Variants in THRAP3 observed in about 807,000 individuals in gnomAD.
The protein encoded by THRAP3 is thyroid hormone receptor associated protein 3, also known as thyroid hormone receptor-associated protein 3.
A neutral mutation model predicts 101.0 loss-of-function variants in THRAP3; 16 were observed. The observed-to-expected ratio is 0.16, with a 90% CI of 0.11 to 0.24. The LOEUF (loss-of-function observed/expected upper bound fraction) is 0.24, where lower values mean the gene tolerates loss of function less well. THRAP3 is among the 10% of genes least tolerant of loss of function. The pLI is 1.00. For synonymous variants in THRAP3, 407 were observed against 422.6 expected (o/e 0.96, Z 0.45); for missense variants, 989 against 1,202.7 (o/e 0.82, Z 2.63).
At position 36,304,936 on chromosome 1, in the gene THRAP3, AAAG is replaced by A. The variant is rs569789094; in HGVS notation, c.*922_*924del. On this transcript the variant is annotated 3_prime_UTR_variant, in exon 12 of 12. Transcript: ENST00000354618. ...TTTTATTAATCTTTTTATAAAATGAAAAGAAACTCCTATGATCGATTAAGGAAG... is the reference window on the plus strand; with the variant it reads ...TTTTATTAATCTTTTTATAAAATGAAAAACTCCTATGATCGATTAAGGAAG... 4.3e-4 allele frequency: 90 copies of A among 209,444 alleles called. No individual in the cohort carries two copies. The highest frequency in any genetic ancestry group is 6.3e-4 in the East Asian group (9 of 14,186). 13.0% of individuals were successfully genotyped at this position (209,444 alleles called of 1,614,324 possible).
chr1:36,281,008 C>T (rs192256691), intron 2 of THRAP3, among the ~76,000 whole-genome samples: 4 of 151,374 alleles, frequency 2.6e-5, no homozygotes, highest in African/African-American at 9.7e-5. Context: ...TCGCTGTAAC[C>T]TCTGCCTCCT....
chr1:36,245,940 A>G (rs907484225), intron 1 of THRAP3, among the ~76,000 whole-genome samples: 8 of 152,202 alleles, frequency 5.3e-5, no homozygotes, highest in Admixed American at 5.2e-4. Flanking sequence ...ACCTGAGTGC[A>G]TATCTGTGCT....
At chr1:36,296,123 G>A (rs559801065) in intron 8 of THRAP3, among the ~76,000 whole-genome samples, 2 of 151,852 alleles carry the variant, frequency 1.3e-5, no homozygotes, top group East Asian at 1.9e-4. Flanking sequence ...ACAGGCACAC[G>A]CCACCTTGCT....
intron 1 of THRAP3, among the ~76,000 whole-genome samples, chr1:36,255,998 C>T (rs1645369441): frequency 6.6e-6 from 1 of 151,804 alleles, no homozygotes; most frequent in South Asian, 2.1e-4. Context: ...CACTGTTGTC[C>T]TTTATCTGGA....
intron 1 of THRAP3, among the ~76,000 whole-genome samples, chr1:36,235,638 A>G (rs1243983830): frequency 4.6e-5 from 7 of 152,076 alleles, no homozygotes; most frequent in Non-Finnish European, 1.5e-5. Context: ...GGTTTGGGGA[A>G]ATTCTCAAAC....
At chr1:36,296,859 G>T (rs1262281146) in intron 9 of THRAP3, 89 bp downstream of exon 9, 18 of 1,082,392 alleles carry the variant, frequency 1.7e-5, no homozygotes, top group South Asian at 2.2e-5. Context: ...AATCAGAGGA[G>T]TTTAGGGTTA....
chr1:36,279,622 A>T (rs1645706408), intron 2 of THRAP3, among the ~76,000 whole-genome samples: 1 of 151,984 alleles, frequency 6.6e-6, no homozygotes, highest in South Asian at 2.1e-4. Flanking sequence ...CAGGATTAAA[A>T]CCGTGGGTTC....
chr1:36,261,945 A>T lies in THRAP3; in HGVS notation c.-32+2461A>T, dbSNP rs138285248. ...AGACTAGAAATGGCAAGTATAAATG[A>T]CAAATCTAAAAGTGACTGGACAGTA... On this transcript the variant is annotated intron_variant, in intron 2 of 11. Transcript: ENST00000354618. Among the ~76,000 whole-genome samples the T allele has an allele frequency of 3.9e-3, 599 of 152,298 alleles. 6 individuals carry two copies. Among genetic ancestry groups the T allele is most frequent in the African/African-American group, 0.014 (569 of 41,570 alleles).
rs540297408 is a variant in THRAP3 at position 36,224,450 on chromosome 1, G to C, written c.-190G>C. The C allele has an allele frequency of 2.6e-5, 4 of 153,342 alleles. No homozygotes were observed. Among genetic ancestry groups the C allele is most frequent in the African/African-American group, 9.6e-5 (4 of 41,602 alleles). The allele number at this position is 153,342 out of a possible 1,614,324, so 9.5% of individuals were successfully genotyped here. ...GGGCGCGCTGTGGGGCGGGGGCGAG[G>C]TTCGGGCTGGTTGTTCCGTTGCGAG... On this transcript the variant is annotated 5_prime_UTR_variant, in exon 1 of 12. Coordinates refer to ENST00000354618, the MANE Select transcript of THRAP3 (RefSeq NM_005119.4).
chr1:36,259,338 A>AT, intron 1 of THRAP3, 44 bp from the exon 2 acceptor site: 1 of 398,476 alleles, frequency 2.5e-6, no homozygotes, highest in Non-Finnish European at 4.4e-6. Context: ...CAGAATCTGC[A>AT]TTTGGGTAGC....
At chr1:36,253,868 GTGT>G (rs1457139565) in intron 1 of THRAP3, among the ~76,000 whole-genome samples, 1 of 150,090 alleles carries the variant, frequency 6.7e-6, no homozygotes, top group Non-Finnish European at 1.5e-5. Flanking sequence ...GCCTCCCAAA[GTGT>G]TGGGATTACA....
At chr1:36,213,412 A>G in the THRAP3 span, among the ~76,000 whole-genome samples, 4 of 152,272 alleles carry the variant, frequency 2.6e-5, no homozygotes, top group East Asian at 7.7e-4. Context: ...GTAAAGGCCT[A>G]AAACAGGATG....
chr1:36,230,494 C>G (rs1439968518), intron 1 of THRAP3, among the ~76,000 whole-genome samples: 2 of 151,844 alleles, frequency 1.3e-5, no homozygotes, highest in Non-Finnish European at 2.9e-5. Flanking sequence ...AACTCCTGAC[C>G]TCAGGTGATC....
At chr1:36,258,539 G>A (rs534176556) in intron 1 of THRAP3, among the ~76,000 whole-genome samples, 8 of 152,026 alleles carry the variant, frequency 5.3e-5, no homozygotes, top group African/African-American at 1.4e-4. Flanking sequence ...ACAGTGGCGC[G>A]ATCTCGGCTC....
chr1:36,233,435 G>C (rs1225346521), intron 1 of THRAP3, among the ~76,000 whole-genome samples: 1 of 148,946 alleles, frequency 6.7e-6, no homozygotes, highest in African/African-American at 2.6e-5. Context: ...GAACCTGGGA[G>C]GGGGAGCTTG....
chr1:36,240,471 T>A (rs1396409897), intron 1 of THRAP3, among the ~76,000 whole-genome samples: 2 of 152,202 alleles, frequency 1.3e-5, no homozygotes, highest in Non-Finnish European at 2.9e-5. Context: ...CCCCATTGTT[T>A]AGCTGTGCTT....
chr1:36,267,918 G>A (rs146559298), intron 2 of THRAP3, among the ~76,000 whole-genome samples: 1 of 31,102 alleles, frequency 3.2e-5, no homozygotes, highest in African/African-American at 5.8e-5. Flanking sequence ...GGTGACTCAC[G>A]CCTGTAATCC....
intron 1 of THRAP3, among the ~76,000 whole-genome samples, chr1:36,253,165 AT>A (rs35502013): frequency 0.97 from 146,728 of 151,866 alleles, 71,118 homozygotes; most frequent in Middle Eastern, 1. Flanking sequence ...CTTCACACAG[AT>A]TGGGTACTGC....
At chr1:36,218,339 C>G in the THRAP3 span, among the ~76,000 whole-genome samples, 1 of 139,620 alleles carries the variant, frequency 7.2e-6, no homozygotes, top group Non-Finnish European at 1.5e-5. Flanking sequence ...ACGCAGTGAG[C>G]AGAGATTGCA....
Sources: allele counts gnomAD v4.1 joint callset (sites outside exome capture counted in the v4.1 genomes callset), GRCh38; gene constraint gnomAD v4.1.1; transcripts MANE v1.5; gene names NCBI Gene and HGNC (gene_info 2026-07-23, HGNC 2026-07-21).